C4BPA: variants seen among roughly 807,000 people sequenced by gnomAD.
The protein encoded by C4BPA is C4b-binding protein alpha chain.
A neutral mutation model predicts 63.7 loss-of-function variants in C4BPA; 31 were observed. That is an observed-to-expected ratio of 0.49 (90% CI 0.37 to 0.66). C4BPA has a LOEUF of 0.66. C4BPA is among the 30% of genes least tolerant of loss of function. C4BPA has a pLI of 0.00. For missense variants in C4BPA, 572 were observed against 723.3 expected, an observed-to-expected ratio of 0.79 and a Z score of 2.40; for synonymous variants, 259 against 254.7, an observed-to-expected ratio of 1.02 and a Z score of -0.16.
chr1:207,144,272 C>G (rs534146265), intron 11 of C4BPA, among the ~76,000 whole-genome samples: 3 of 152,258 alleles, frequency 2.0e-5, no homozygotes, highest in Admixed American at 6.5e-5. Flanking sequence ...TTTTGCTAAG[C>G]TATATAATAT....
chr1:207,124,476 C>T lies in C4BPA; in HGVS notation c.706+110C>T, dbSNP rs1320310660. 1.6e-5 allele frequency: 12 copies of T among 770,666 alleles called. No homozygotes were observed. The Admixed American group carries it at 2.3e-4, about 15-fold the overall frequency. The allele number at this position is 770,666 out of a possible 1,614,324, so 47.7% of individuals were successfully genotyped here. On this transcript the variant is annotated intron_variant, in intron 6 of 11. Transcript: ENST00000367070. ...AATGGAAAATTCAAAGATAAACTAA[C>T]TATCGCTCTGATGCAATCATTTATT...
chr1:207,114,467 T>C (rs1684739834), intron 3 of C4BPA, among the ~76,000 whole-genome samples, 182 bp downstream of exon 3: 1 of 150,958 alleles, frequency 6.6e-6, no homozygotes, highest in Non-Finnish European at 1.5e-5. Context: ...GTTAATTGCA[T>C]TGAAAAATAA....
chr1:207,105,619 C>A (rs1684544982), intron 1 of C4BPA, among the ~76,000 whole-genome samples: 1 of 150,518 alleles, frequency 6.6e-6, no homozygotes, highest in African/African-American at 2.4e-5. Flanking sequence ...GTGTGGGAGC[C>A]AGTTCTTTCT....
At chr1:207,116,938 T>C (rs543656884) in intron 4 of C4BPA, among the ~76,000 whole-genome samples, 4 of 152,340 alleles carry the variant, frequency 2.6e-5, no homozygotes, top group African/African-American at 7.2e-5. Context: ...GGTCTATTTC[T>C]GGACTTTCTA....
At chr1:207,141,009 A>G in intron 9 of C4BPA, 97 bp from the exon 10 acceptor site, 1 of 908,446 alleles carries the variant, frequency 1.1e-6, no homozygotes, top group East Asian at 2.7e-5. Flanking sequence ...ATAGAAGGAC[A>G]GAATGAAGCC....
chr1:207,116,975 T>C (rs1265789963), intron 4 of C4BPA, among the ~76,000 whole-genome samples: 2 of 152,228 alleles, frequency 1.3e-5, no homozygotes, highest in African/African-American at 2.4e-5. Flanking sequence ...TTCCTGTACA[T>C]TTATGTATGC....
At chr1:207,118,208 C>CT (rs778906295) in intron 4 of C4BPA, among the ~76,000 whole-genome samples, 23,946 of 69,776 alleles carry the variant, frequency 0.34, 2,586 homozygotes, top group Non-Finnish European at 0.39. Context: ...ATCTATCTAT[C>CT]ATCTGTCTAT....
At chr1:207,124,093 C>T in intron 5 of C4BPA, 82 bp from the exon 6 acceptor site, 4 of 1,495,024 alleles carry the variant, frequency 2.7e-6, no homozygotes, top group Non-Finnish European at 3.7e-6. Flanking sequence ...GTATGTGTAC[C>T]TTCCATTAGA....
intron 7 of C4BPA, among the ~76,000 whole-genome samples, chr1:207,128,058 G>A (rs144341515): frequency 2.2e-3 from 338 of 152,272 alleles, no homozygotes; most frequent in African/African-American, 7.7e-3. Context: ...GGATCTAAGT[G>A]GGGCAGCTGG....
intron 1 of C4BPA, among the ~76,000 whole-genome samples, chr1:207,110,954 ATC>A (rs1337667297): frequency 6.6e-6 from 1 of 152,256 alleles, no homozygotes; most frequent in South Asian, 2.1e-4. Context: ...GGTGTTTTTA[ATC>A]TCTTTCTTCA....
At chr1:207,118,027 GT>G (rs1684838954) in intron 4 of C4BPA, among the ~76,000 whole-genome samples, 1 of 152,086 alleles carries the variant, frequency 6.6e-6, no homozygotes, top group African/African-American at 2.4e-5. Context: ...TTCTTGAAGA[GT>G]TTAAACCTCT....
intron 1 of C4BPA, among the ~76,000 whole-genome samples, chr1:207,108,125 AATT>A (rs926397784): frequency 7.2e-5 from 11 of 152,020 alleles, no homozygotes; most frequent in African/African-American, 2.2e-4. Context: ...TTTTAACTTA[AATT>A]ATTATTATTA....
chr1:207,105,481 AG>A, intron 1 of C4BPA, among the ~76,000 whole-genome samples: 1 of 147,898 alleles, frequency 6.8e-6, no homozygotes, highest in South Asian at 2.2e-4. Flanking sequence ...CATTTGAACC[AG>A]GGAGGCAGAG....
chr1:207,112,952 G>A (rs1418863625), intron 1 of C4BPA, 49 bp from the exon 2 acceptor site: 3 of 1,481,618 alleles, frequency 2.0e-6, no homozygotes, highest in Non-Finnish European at 2.7e-6. Context: ...AGTGCTTTAT[G>A]ACAAGTTGGA....
At chr1:207,127,631 T>G (rs1685074230) in intron 7 of C4BPA, 5 of 152,068 alleles carry the variant, frequency 3.3e-5, no homozygotes, top group Admixed American at 3.3e-4. Context: ...GGTGGAGGAG[T>G]TTGGGGAAAC....
chr1:207,104,739 T>C (rs910206459), intron 1 of C4BPA, among the ~76,000 whole-genome samples: 2 of 152,246 alleles, frequency 1.3e-5, no homozygotes, highest in Non-Finnish European at 2.9e-5. Flanking sequence ...TGTTGGTTTG[T>C]TGATCTTTCA....
chr1:207,106,112 C>T (rs1487473703), intron 1 of C4BPA, among the ~76,000 whole-genome samples: 10 of 152,174 alleles, frequency 6.6e-5, no homozygotes, highest in Admixed American at 1.3e-4. Context: ...ATTGCTGGAA[C>T]TCCAACTTGT....
Position 207,124,160 on chromosome 1 carries a change from A to T in C4BPA, c.515-15A>T, listed in dbSNP as rs756875201. ...CTTCGCTGAGTATTTCTTTCTCTTC[A>T]CTCACTTACCTCAGTTGTCAAGTGT... On this transcript the variant is annotated splice_polypyrimidine_tract_variant and intron_variant, in intron 5 of 11. Coordinates refer to ENST00000367070, the MANE Select transcript of C4BPA (RefSeq NM_000715.4). The T allele has an allele frequency of 6.2e-7, 1 of 1,606,912 alleles. No homozygotes were observed. Among genetic ancestry groups the T allele is most frequent in the South Asian group, 1.1e-5 (1 of 90,898 alleles).
In C4BPA at chr1:207,134,471, C is replaced by G; in HGVS notation, c.1152C>G (p.Ala384=). The part of the protein sequence containing the change: ...EITQHRKSRP[A]NHCVYFYGDE... ...CTCAACACAGGAAAAGTCGTCCTGC[C>G]AATCACTGTGTTTATTTCTATGGAG... The change falls in exon 9 of 12, where the codon GCC becomes GCG. Residue 384 remains alanine, a synonymous_variant. Coordinates refer to ENST00000367070, the MANE Select transcript of C4BPA (RefSeq NM_000715.4). 6.2e-7 allele frequency: 1 copy of G among 1,613,662 alleles called. No individual in the cohort carries two copies. Among genetic ancestry groups the G allele is most frequent in the Non-Finnish European group, 8.5e-7 (1 of 1,179,642 alleles).
Sources: gnomAD v4.1 joint callset for allele counts (sites outside exome capture counted in the v4.1 genomes callset) on GRCh38, gnomAD v4.1.1 for gene constraint, MANE v1.5 for transcripts, NCBI Gene and HGNC (gene_info 2026-07-23, HGNC 2026-07-21) for gene names.